Variants in ZNF292 observed in about 807,000 individuals in gnomAD.
ZNF292 encodes the protein 16 zinc-finger domain protein.
ZNF292 carries 26 observed loss-of-function variants against 217.9 expected under a neutral mutation model. The observed-to-expected ratio is 0.12, with a 90% CI of 0.09 to 0.17. The LOEUF (loss-of-function observed/expected upper bound fraction) is 0.17. Ranked by LOEUF, ZNF292 falls within the 10% of genes least tolerant of loss-of-function variation. ZNF292 has a pLI of 1.00. For missense variants in ZNF292, 2,904 were observed against 3,175.2 expected (o/e 0.91, Z 2.05); for synonymous variants, 1,257 against 1,124.1 (o/e 1.12, Z -2.37).
intron 1 of ZNF292, among the ~76,000 whole-genome samples, chr6:87,203,562 C>T (rs749095032): frequency 4.0e-5 from 6 of 151,654 alleles, no homozygotes; most frequent in Admixed American, 6.6e-5. Flanking sequence ...AGTCCTGAAG[C>T]CATTATGTGG....
At chr6:87,170,356 A>G (rs1173674510) in intron 1 of ZNF292, 2 of 152,236 alleles carry the variant, frequency 1.3e-5, no homozygotes, top group Admixed American at 6.5e-5. Context: ...TAAAATTTAT[A>G]TCCTCAAACT....
chr6:87,250,800 A>G (rs181887617), intron 7 of ZNF292, among the ~76,000 whole-genome samples: 25 of 152,310 alleles, frequency 1.6e-4, no homozygotes, highest in African/African-American at 6.0e-4. Flanking sequence ...TTTATATAGT[A>G]TACTCTTCAC....
chr6:87,224,594 C>T (rs143192427), intron 4 of ZNF292, among the ~76,000 whole-genome samples: 8 of 152,312 alleles, frequency 5.3e-5, no homozygotes, highest in African/African-American at 1.9e-4. Context: ...GCTTCTTTCA[C>T]ATAGCATTGT....
intron 1 of ZNF292, among the ~76,000 whole-genome samples, chr6:87,210,401 AAC>A (rs1409464896): frequency 6.6e-6 from 1 of 152,166 alleles, no homozygotes; most frequent in Non-Finnish European, 1.5e-5. Flanking sequence ...CACCGCAAGA[AAC>A]AGTGTGTTAG....
At chr6:87,241,685 G>A (rs1774293105) in intron 5 of ZNF292, among the ~76,000 whole-genome samples, 2 of 152,332 alleles carry the variant, frequency 1.3e-5, no homozygotes, top group Non-Finnish European at 2.9e-5. Flanking sequence ...CTTCCAAAGT[G>A]TTTGGATTAC....
At chr6:87,251,632 T>C (rs568301973) in intron 7 of ZNF292, among the ~76,000 whole-genome samples, 5 of 152,356 alleles carry the variant, frequency 3.3e-5, no homozygotes, top group South Asian at 2.1e-4. Flanking sequence ...TAGATTTTTA[T>C]GGGCAAATCA....
intron 1 of ZNF292, among the ~76,000 whole-genome samples, chr6:87,174,815 T>G (rs1240621835): frequency 6.6e-6 from 1 of 152,180 alleles, no homozygotes; most frequent in African/African-American, 2.4e-5. Context: ...GAATTATACT[T>G]TATCAGAGGA....
chr6:87,254,137 T>A (rs140793607), intron 7 of ZNF292, among the ~76,000 whole-genome samples: 1 of 152,322 alleles, frequency 6.6e-6, no homozygotes, highest in East Asian at 1.9e-4. Flanking sequence ...TACTGATCAG[T>A]TTGGAAATAT....
chr6:87,156,403 T>C lies in ZNF292; in HGVS notation c.168+644T>C, dbSNP rs1027568335. ...GGAGGTTGTCCCCTCCTGCCCATAC[T>C]TGCTTGCTTGGTGCATCACTTCTGT... On this transcript the variant is annotated intron_variant, in intron 1 of 7. Transcript: ENST00000369577. Among the ~76,000 whole-genome samples, 4 of 152,232 alleles carry C rather than the reference T, an allele frequency of 2.6e-5. No individual in the cohort carries two copies. In the East Asian group the frequency reaches 7.7e-4, roughly 29 times the overall value.
At chr6:87,227,411 T>C (rs1773410179) in intron 4 of ZNF292, among the ~76,000 whole-genome samples, 1 of 151,874 alleles carries the variant, frequency 6.6e-6, no homozygotes, top group Non-Finnish European at 1.5e-5. Context: ...TGCTGAATTG[T>C]GTTTTTTTAA....
intron 1 of ZNF292, among the ~76,000 whole-genome samples, chr6:87,180,265 C>T (rs917311526): frequency 3.3e-5 from 5 of 152,258 alleles, no homozygotes; most frequent in East Asian, 3.8e-4. Context: ...AGCTTGCCTT[C>T]GGCATTTCTT....
chr6:87,250,458 A>AG (rs1774868885), intron 7 of ZNF292, among the ~76,000 whole-genome samples: 2 of 152,126 alleles, frequency 1.3e-5, no homozygotes, highest in Admixed American at 6.6e-5. Flanking sequence ...AAAAAAGAAA[A>AG]GGAAAAAAAA....
chr6:87,183,583 T>G (rs971215353), intron 1 of ZNF292, among the ~76,000 whole-genome samples: 3 of 152,198 alleles, frequency 2.0e-5, no homozygotes, highest in African/African-American at 7.2e-5. Flanking sequence ...TTTTACAAAC[T>G]TTTTAAAAGA....
At chr6:87,246,893 G>A (rs889296869) in intron 7 of ZNF292, among the ~76,000 whole-genome samples, 2 of 151,250 alleles carry the variant, frequency 1.3e-5, no homozygotes, top group Admixed American at 1.3e-4. Context: ...GGTGGCTCAC[G>A]CCTGTAATCC....
At chr6:87,177,638 T>C (rs1433599328) in intron 1 of ZNF292, among the ~76,000 whole-genome samples, 1 of 152,118 alleles carries the variant, frequency 6.6e-6, no homozygotes, top group Non-Finnish European at 1.5e-5. Flanking sequence ...TTAAAGACTT[T>C]AAAAGACTAT....
At chr6:87,209,110 C>G (rs1448202341) in intron 1 of ZNF292, among the ~76,000 whole-genome samples, 1 of 150,096 alleles carries the variant, frequency 6.7e-6, no homozygotes, top group East Asian at 1.9e-4. Flanking sequence ...TTTCACCCCC[C>G]CCTCCCCATT....
intron 1 of ZNF292, among the ~76,000 whole-genome samples, chr6:87,171,735 T>A (rs1394171263): frequency 1.3e-5 from 2 of 152,214 alleles, no homozygotes; most frequent in Non-Finnish European, 2.9e-5. Context: ...CAGCTTGGAC[T>A]AGTTAACATT....
At chr6:87,177,540 C>T (rs1771341805) in intron 1 of ZNF292, among the ~76,000 whole-genome samples, 2 of 152,082 alleles carry the variant, frequency 1.3e-5, no homozygotes, top group Admixed American at 6.6e-5. Context: ...CTTTTCTGTC[C>T]TCCATTCACT....
chr6:87,189,715 C>G (rs1336410004), intron 1 of ZNF292, among the ~76,000 whole-genome samples: 1 of 151,810 alleles, frequency 6.6e-6, no homozygotes, highest in Non-Finnish European at 1.5e-5. Flanking sequence ...CATGACTTAG[C>G]ACAGTTGATG....
Sources: allele counts gnomAD v4.1 joint callset (sites outside exome capture counted in the v4.1 genomes callset), GRCh38; gene constraint gnomAD v4.1.1; transcripts MANE v1.5; gene names NCBI Gene and HGNC (gene_info 2026-07-23, HGNC 2026-07-21).